Variants in CDKL4 observed in about 807,000 individuals in gnomAD.
CDKL4 encodes cyclin dependent kinase like 4, also known as cyclin-dependent kinase-like 4.
Under a neutral mutation model 42.0 loss-of-function variants are expected in CDKL4, and 44 were observed. The ratio of observed to expected loss-of-function variants is 1.05; its 90% CI spans 0.82 to 1.35. CDKL4 has a LOEUF of 1.35. CDKL4 is among the 40% of genes most tolerant of loss of function. The pLI is 0.00. For missense variants in CDKL4, 393 were observed against 369.9 expected (o/e 1.06, Z -0.51); for synonymous variants, 120 against 121.6 (o/e 0.99, Z 0.09).
chr2:39,175,742 C>T, exon 10 of CDKL4: 1 of 232,404 alleles, frequency 4.3e-6, no homozygotes, highest in Non-Finnish European at 8.7e-6. Context: ...GGAGGGGCTG[C>T]TCTGATGAAA....
intron 9 of CDKL4, 186 bp downstream of exon 9, chr2:39,179,000 TC>T: frequency 6.9e-7 from 1 of 1,447,002 alleles, no homozygotes; most frequent in Non-Finnish European, 9.1e-7. Context: ...TTTGCAATAA[TC>T]TTGATATTTT....
intron 3 of CDKL4, among the ~76,000 whole-genome samples, chr2:39,223,612 CAAA>C (rs796918055): frequency 8.0e-5 from 4 of 49,836 alleles, no homozygotes; most frequent in Non-Finnish European, 8.0e-5. Flanking sequence ...CTTCTGTCTT[CAAA>C]AAAAAAAAAA....
chr2:39,177,810 T>C lies in CDKL4; in HGVS notation c.927+1377A>G, dbSNP rs889878784. Among the ~76,000 whole-genome samples the C allele has an allele frequency of 3.1e-4, 45 of 144,616 alleles. No individual in the cohort carries two copies. The East Asian group carries it at 8.3e-3, about 27-fold the overall frequency. 94.9% of individuals were successfully genotyped at this position (144,616 alleles called of 152,430 possible). A position where few individuals can be genotyped will look rare whatever the true frequency, so the allele number is the denominator to read the frequency against. ...TTCATGCAAGTCTCCTGCCTCAGCC[T>C]CCCAAGGAGCTGGGATTACAGGCGC... On this transcript the variant is annotated intron_variant, in intron 9 of 9. Transcript: ENST00000451199.
intron 3 of CDKL4, among the ~76,000 whole-genome samples, chr2:39,217,827 G>A (rs1678028997): frequency 6.6e-6 from 1 of 152,056 alleles, no homozygotes; most frequent in Non-Finnish European, 1.5e-5. Context: ...TCCGCCTCCT[G>A]GGTTCAAGCG....
intron 4 of CDKL4, among the ~76,000 whole-genome samples, chr2:39,206,141 C>T (rs539860560): frequency 6.1e-4 from 93 of 152,002 alleles, no homozygotes; most frequent in African/African-American, 2.1e-3. Flanking sequence ...GCAACCTCCG[C>T]CCCCCGGGTT....
At chr2:39,234,610 G>T (rs986358115) in intron 1 of CDKL4, among the ~76,000 whole-genome samples, 1 of 152,022 alleles carries the variant, frequency 6.6e-6, no homozygotes, top group Admixed American at 6.6e-5. Context: ...TATTGAAAAG[G>T]CCCATTAGGT....
intron 4 of CDKL4, among the ~76,000 whole-genome samples, chr2:39,213,123 C>A (rs1677687599): frequency 6.6e-6 from 1 of 152,134 alleles, no homozygotes; most frequent in African/African-American, 2.4e-5. Flanking sequence ...ACTTTTTTCT[C>A]ATATTTTGAA....
At chr2:39,236,190 G>A (rs1214552803) in intron 1 of CDKL4, among the ~76,000 whole-genome samples, 1 of 147,486 alleles carries the variant, frequency 6.8e-6, no homozygotes, top group Non-Finnish European at 1.5e-5. Context: ...GAAAAATCCT[G>A]TAGATGGGAC....
chr2:39,246,393 C>A (rs968641280), upstream of CDKL4, among the ~76,000 whole-genome samples: 1 of 152,198 alleles, frequency 6.6e-6, no homozygotes, highest in Non-Finnish European at 1.5e-5. Context: ...ATTAAGTATA[C>A]AAGTATCACC....
intron 4 of CDKL4, among the ~76,000 whole-genome samples, chr2:39,212,809 A>AC (rs1677670345): frequency 6.6e-6 from 1 of 151,958 alleles, no homozygotes; most frequent in African/African-American, 2.4e-5. Flanking sequence ...ACAGGTGCGC[A>AC]CCACCATGGC....
chr2:39,172,440 T>G (rs185317940), downstream of CDKL4, among the ~76,000 whole-genome samples: 19 of 151,602 alleles, frequency 1.3e-4, no homozygotes, highest in East Asian at 3.7e-3. Context: ...AGTACAGAGG[T>G]GAGAGATATG....
At chr2:39,181,640 T>A (rs1675443039) in intron 8 of CDKL4, among the ~76,000 whole-genome samples, 1 of 152,206 alleles carries the variant, frequency 6.6e-6, no homozygotes, top group African/African-American at 2.4e-5. Context: ...AAGGTCATAA[T>A]GGCATGGAGT....
At chr2:39,228,459 C>T (rs148851591) in intron 2 of CDKL4, among the ~76,000 whole-genome samples, 36 of 152,190 alleles carry the variant, frequency 2.4e-4, no homozygotes, top group African/African-American at 8.4e-4. Context: ...TATTATCCTC[C>T]CTTACAAACT....
intron 3 of CDKL4, among the ~76,000 whole-genome samples, chr2:39,222,899 A>G (rs1449719243): frequency 6.6e-6 from 1 of 152,192 alleles, no homozygotes; most frequent in Non-Finnish European, 1.5e-5. Flanking sequence ...TCAACATACA[A>G]CATCCTATTT....
At chr2:39,171,978 T>C (rs1675011302), downstream of CDKL4, among the ~76,000 whole-genome samples, 1 of 152,168 alleles carries the variant, frequency 6.6e-6, no homozygotes, top group African/African-American at 2.4e-5. Flanking sequence ...TAGGATTCTA[T>C]GAAGAGTCTG....
chr2:39,190,246 G>A lies in CDKL4; in HGVS notation c.652+59C>T, dbSNP rs1018460741. 7.2e-6 allele frequency: 8 copies of A among 1,114,224 alleles called. No homozygotes were observed. In the Admixed American group the frequency reaches 1.2e-4, roughly 17 times the overall value. The allele number at this position is 1,114,224 out of a possible 1,614,324, so 69.0% of individuals were successfully genotyped here. Reference sequence around the variant, plus strand: ...TTTTATTTATTTATTTTTTATTATAGTAACATATGAATGCTATAACAATTC... The same window carrying A: ...TTTTATTTATTTATTTTTTATTATAATAACATATGAATGCTATAACAATTC... On this transcript the variant is annotated intron_variant, in intron 6 of 9. Transcript: ENST00000451199.
At chr2:39,223,010 A>G (rs1048055696) in intron 3 of CDKL4, among the ~76,000 whole-genome samples, 16 of 152,152 alleles carry the variant, frequency 1.1e-4, no homozygotes, top group Admixed American at 4.6e-4. Flanking sequence ...CAGAAATTTG[A>G]GAAAATTTGA....
rs1427693703 is a variant in CDKL4, at chr2:39,205,570, C to T, written c.364-953G>A. Reference sequence around the variant, plus strand: ...GGTCAGGAGATAGAGACCATCCTGGCCAACACGGTGAAACCCCGTCTCTAC... The same window carrying T: ...GGTCAGGAGATAGAGACCATCCTGGTCAACACGGTGAAACCCCGTCTCTAC... On this transcript the variant is annotated intron_variant, in intron 4 of 9. Coordinates refer to ENST00000451199, the Ensembl canonical transcript of CDKL4. Among the ~76,000 whole-genome samples, 3 of 151,632 alleles carry T rather than the reference C, an allele frequency of 2.0e-5. No homozygotes were observed. The East Asian group carries it at 5.9e-4, about 30-fold the overall frequency.
intron 5 of CDKL4, among the ~76,000 whole-genome samples, chr2:39,193,311 T>C (rs539904008): frequency 1.3e-5 from 2 of 150,676 alleles, no homozygotes; most frequent in Non-Finnish European, 3.0e-5. Flanking sequence ...GATGATTTTC[T>C]ATGAGTGGAA....
Sources: gnomAD v4.1 joint callset for allele counts (sites outside exome capture counted in the v4.1 genomes callset) on GRCh38, gnomAD v4.1.1 for gene constraint, MANE v1.5 for transcripts, NCBI Gene and HGNC (gene_info 2026-07-23, HGNC 2026-07-21) for gene names.